Variants in KCNMB3 observed in about 807,000 individuals in gnomAD.
The protein encoded by KCNMB3 is calcium-activated potassium channel subunit beta-3.
Under a neutral mutation model 11.9 loss-of-function variants are expected in KCNMB3, and 18 were observed. That is an observed-to-expected ratio of 1.51 (90% CI 1.04 to 2.23). The LOEUF is 2.23. Ranked by LOEUF, KCNMB3 falls within the 30% of genes most tolerant of loss-of-function variation. The pLI is 0.00. For synonymous variants in KCNMB3, 78 were observed against 119.2 expected (o/e 0.65, Z 2.25); for missense variants, 247 against 329.4 (o/e 0.75, Z 1.94).
exon 1 of KCNMB3, chr3:179,266,762 C>G (rs766013152): frequency 4.4e-6 from 7 of 1,606,306 alleles, no homozygotes; most frequent in African/African-American, 1.3e-5. Context: ...CATGCCCCTG[C>G]GGGCGCAAGA....
At chr3:179,259,371 C>T (rs544255358) in intron 1 of KCNMB3, 600 of 1,571,840 alleles carry the variant, frequency 3.8e-4, no homozygotes, top group Non-Finnish European at 4.8e-4. Flanking sequence ...TTCTTCACCA[C>T]CAGCCCTCGG....
intron 1 of KCNMB3, among the ~76,000 whole-genome samples, chr3:179,262,513 T>C (rs967192436): frequency 3.3e-5 from 5 of 152,212 alleles, no homozygotes; most frequent in South Asian, 2.1e-4. Context: ...CCAAGATTTA[T>C]TGCAAAGAGC....
chr3:179,250,031 C>A (rs1180833332), intron 1 of KCNMB3, among the ~76,000 whole-genome samples: 2 of 151,900 alleles, frequency 1.3e-5, no homozygotes, highest in South Asian at 2.1e-4. Flanking sequence ...TACCCCGGAA[C>A]TTAAAACAAA....
At chr3:179,260,949 C>G (rs1726186056) in intron 1 of KCNMB3, 2 of 1,092,658 alleles carry the variant, frequency 1.8e-6, no homozygotes, top group Admixed American at 3.8e-5. Flanking sequence ...TCAACTTCTG[C>G]TAGAGAGTCC....
chr3:179,261,118 T>C (rs1032566634), intron 1 of KCNMB3: 13 of 1,271,698 alleles, frequency 1.0e-5, no homozygotes, highest in Non-Finnish European at 1.5e-5. Context: ...GTCTCTCTTC[T>C]ACCTCCTTCT....
chr3:179,265,480 G>A (rs1030588543), intron 1 of KCNMB3, among the ~76,000 whole-genome samples: 7 of 152,174 alleles, frequency 4.6e-5, no homozygotes, highest in African/African-American at 1.7e-4. Context: ...GTTTGAGACA[G>A]AGTTTGGCTC....
rs1726111565 is a variant in KCNMB3, at chr3:179,258,970, C to T, written c.62+7679G>A. On this transcript the variant is annotated intron_variant, in intron 1 of 3. Transcript: ENST00000349697. ...TACATTGGCAGTGGAGAGAAAAGAG[C>T]CCCTCACACTCAGACTTCCTGTGCA... The T allele has an allele frequency of 1.9e-6, 3 of 1,614,068 alleles. No homozygotes were observed. In the Middle Eastern group the frequency reaches 4.9e-4, roughly 266 times the overall value.
At chr3:179,260,095 CTG>C (rs1726154600) in intron 1 of KCNMB3, 1 of 1,608,012 alleles carries the variant, frequency 6.2e-7, no homozygotes. Flanking sequence ...TCATGATAAA[CTG>C]TGTCATCACT....
At chr3:179,253,363 T>C (rs1322689926), upstream of KCNMB3, among the ~76,000 whole-genome samples, 1 of 152,278 alleles carries the variant, frequency 6.6e-6, no homozygotes, top group Admixed American at 6.5e-5. Flanking sequence ...AGACCTGTAC[T>C]GTCCTAGACA....
intron 1 of KCNMB3, among the ~76,000 whole-genome samples, chr3:179,258,149 G>A (rs915270204): frequency 9.9e-5 from 15 of 152,096 alleles, no homozygotes; most frequent in African/African-American, 3.4e-4. Flanking sequence ...GCCTCCCAAC[G>A]TGCTGAGATT....
chr3:179,264,359 A>G (rs1420751993), intron 1 of KCNMB3, among the ~76,000 whole-genome samples: 1 of 152,066 alleles, frequency 6.6e-6, no homozygotes, highest in Non-Finnish European at 1.5e-5. Flanking sequence ...TGTTGTATTT[A>G]CAAGCATCTT....
chr3:179,262,936 C>T (rs1236623830), intron 1 of KCNMB3, among the ~76,000 whole-genome samples: 2 of 152,242 alleles, frequency 1.3e-5, no homozygotes, highest in African/African-American at 2.4e-5. Flanking sequence ...AATCTCTTAG[C>T]TAAACATAAA....
At chr3:179,240,269 C>T (rs1340061264), downstream of KCNMB3, 1 of 497,366 alleles carries the variant, frequency 2.0e-6, no homozygotes, top group African/African-American at 2.0e-5. Flanking sequence ...AACTATTATA[C>T]CTTAAAAGCC....
chr3:179,259,715 CTTCT>C (rs1339723335), intron 1 of KCNMB3: 6 of 1,591,394 alleles, frequency 3.8e-6, no homozygotes, highest in African/African-American at 1.4e-5. Context: ...ATTTTTTCCT[CTTCT>C]TTTTCTTTTT....
intron 2 of KCNMB3, 147 bp downstream of exon 2, chr3:179,244,348 T>G (rs1185080302): frequency 3.2e-6 from 2 of 633,498 alleles, no homozygotes; most frequent in South Asian, 2.0e-5. Flanking sequence ...AAAGCTTCAT[T>G]TATCCTGATT....
rs747348479 is a variant in KCNMB3, at chr3:179,250,782, AAG to A, written c.207_208del (p.Phe70LeufsTer70). 1.9e-6 allele frequency: 3 copies of A among 1,614,086 alleles called. No homozygotes were observed. The highest frequency in any genetic ancestry group is 2.5e-6 in the Non-Finnish European group (3 of 1,180,056). ...CTTTAGAATGGTTGTTCCGAGCAAG[AAG>A]AACATTAGGACTGAGAAGCCCATCA... On this transcript the variant is annotated frameshift_variant, in exon 1 of 3. Coordinates refer to ENST00000392685, the MANE Select transcript of KCNMB3 (RefSeq NM_171830.2). LOFTEE classifies it high-confidence loss of function.
At chr3:179,258,504 G>A (rs978129973) in intron 1 of KCNMB3, among the ~76,000 whole-genome samples, 5 of 151,956 alleles carry the variant, frequency 3.3e-5, no homozygotes, top group African/African-American at 4.8e-5. Flanking sequence ...GCTATTTGGC[G>A]GTTTATCTCC....
chr3:179,252,729 T>TA (rs1218551757), upstream of KCNMB3, among the ~76,000 whole-genome samples: 13 of 148,398 alleles, frequency 8.8e-5, no homozygotes, highest in South Asian at 2.8e-3. Context: ...TTTGAACCTG[T>TA]ACTTTTTTTT....
At chr3:179,262,439 T>C (rs1240390564) in intron 1 of KCNMB3, among the ~76,000 whole-genome samples, 1 of 152,140 alleles carries the variant, frequency 6.6e-6, no homozygotes, top group Non-Finnish European at 1.5e-5. Flanking sequence ...GGAGTGAAGC[T>C]GCAGACCTTC....
Sources: allele counts gnomAD v4.1 joint callset (sites outside exome capture counted in the v4.1 genomes callset), GRCh38; gene constraint gnomAD v4.1.1; transcripts MANE v1.5; gene names NCBI Gene and HGNC (gene_info 2026-07-23, HGNC 2026-07-21).